ARID4A: variants seen among roughly 807,000 people sequenced by gnomAD.
ARID4A encodes the protein AT-rich interaction domain 4A.
A neutral mutation model predicts 148.6 loss-of-function variants in ARID4A; 39 were observed. The observed-to-expected ratio is 0.26, with a 90% CI of 0.20 to 0.34. The LOEUF is 0.34. Among genes scored for constraint, ARID4A ranks in the 10% least tolerant of loss-of-function variants. The probability of loss-of-function intolerance (pLI) is 1.00; values close to 1 mark genes in which losing one functional copy is unlikely to be tolerated. For missense variants in ARID4A, 1,265 were observed against 1,449.1 expected (o/e 0.87, Z 2.06); for synonymous variants, 475 against 481.2 (o/e 0.99, Z 0.17).
chr14:58,362,990 C>T lies in ARID4A; in HGVS notation c.2081-1180C>T, dbSNP rs1328545583. Among the ~76,000 whole-genome samples the T allele has an allele frequency of 2.0e-5, 3 of 152,192 alleles. No homozygotes were observed. The East Asian group carries it at 5.8e-4, about 29-fold the overall frequency. On this transcript the variant is annotated intron_variant, in intron 19 of 23. Coordinates refer to ENST00000355431, the MANE Select transcript of ARID4A (RefSeq NM_002892.4). ...TGCAAATTATAAAAGGACATCCTTC[C>T]TCTTTACTGCCATCTGCTGACAAAT... is the stretch of plus-strand genomic sequence containing the variant.
chr14:58,363,958 C>T (rs948432752), intron 19 of ARID4A, among the ~76,000 whole-genome samples: 9 of 152,018 alleles, frequency 5.9e-5, no homozygotes, highest in Non-Finnish European at 7.4e-5. Context: ...TAATATGCAA[C>T]GTAATATATT....
At chr14:58,320,755 C>T (rs954269383) in intron 7 of ARID4A, among the ~76,000 whole-genome samples, 1 of 152,034 alleles carries the variant, frequency 6.6e-6, no homozygotes, top group East Asian at 1.9e-4. Flanking sequence ...CTACAGTCGT[C>T]CACCACGACG....
chr14:58,320,165 C>T (rs2032773519), intron 7 of ARID4A, among the ~76,000 whole-genome samples: 2 of 151,944 alleles, frequency 1.3e-5, no homozygotes, highest in Admixed American at 1.3e-4. Flanking sequence ...CCAGGATGAT[C>T]TCGATCTCTT....
In ARID4A at chr14:58,302,934, C is replaced by T. The variant is rs139861598; in HGVS notation, c.117+1244C>T. Among the ~76,000 whole-genome samples the T allele has an allele frequency of 7.9e-3, 1,197 of 151,590 alleles. 9 individuals carry two copies. Among genetic ancestry groups the T allele is most frequent in the Middle Eastern group, 0.014 (4 of 290 alleles). On this transcript the variant is annotated intron_variant, in intron 3 of 23. Transcript: ENST00000355431. ...GTGATTGTGCCACTGCACTCCAGGCCGGATGACAGGGCAAGACCCTGTCTC... is the reference window on the plus strand; with the variant it reads ...GTGATTGTGCCACTGCACTCCAGGCTGGATGACAGGGCAAGACCCTGTCTC...
intron 15 of ARID4A, among the ~76,000 whole-genome samples, chr14:58,349,792 A>G (rs2034548238): frequency 1.3e-5 from 2 of 152,056 alleles, no homozygotes; most frequent in South Asian, 2.1e-4. Context: ...AGTTGTTTTC[A>G]TTCATTTACC....
rs1451089640 is a variant in ARID4A, at chr14:58,351,025, T to TC, written c.1405-44dup. The TC allele has an allele frequency of 2.0e-6, 3 of 1,512,386 alleles. No individual in the cohort carries two copies. The African/African-American group carries it at 4.2e-5, about 21-fold the overall frequency. 93.7% of individuals were successfully genotyped at this position (1,512,386 alleles called of 1,614,324 possible). On this transcript the variant is annotated intron_variant, in intron 15 of 23. Transcript: ENST00000355431. Reference sequence around the variant, plus strand: ...GAAAAGATATTTTTTCCTGCTTTTTTCCCCTTTATAGTGATAGCTATTTTA... The same window carrying TC: ...GAAAAGATATTTTTTCCTGCTTTTTTCCCCCTTTATAGTGATAGCTATTTTA...
intron 6 of ARID4A, 41 bp from the exon 7 acceptor site, chr14:58,318,670 T>C (rs1224937125): frequency 4.3e-6 from 7 of 1,612,850 alleles, no homozygotes; most frequent in Admixed American, 1.7e-5. Flanking sequence ...GGTACTGATC[T>C]AGAGGTAAAA....
intron 18 of ARID4A, 64 bp from the exon 19 acceptor site, chr14:58,360,837 A>G: frequency 1.3e-6 from 2 of 1,510,962 alleles, no homozygotes; most frequent in Non-Finnish European, 1.8e-6. Context: ...TTCTTTGGAT[A>G]AGTAGAATGT....
rs577539457 is a variant in ARID4A at position 58,351,542 on chromosome 14, C to T, written c.1655+219C>T. On this transcript the variant is annotated intron_variant, in intron 16 of 23. Transcript: ENST00000355431. ...ATTTTAATAGCACTTGTGCCCTAAACAGTGGCCTCAAAGAAGGCTGCGCCA... is the reference window on the plus strand; with the variant it reads ...ATTTTAATAGCACTTGTGCCCTAAATAGTGGCCTCAAAGAAGGCTGCGCCA... The T allele has an allele frequency of 1.4e-3, 630 of 460,016 alleles. 1 individual carries two copies. The highest frequency in any genetic ancestry group is 2.0e-3 in the Non-Finnish European group (547 of 275,066). 28.5% of individuals were successfully genotyped at this position (460,016 alleles called of 1,614,324 possible).
intron 15 of ARID4A, among the ~76,000 whole-genome samples, chr14:58,350,358 G>T (rs895533914): frequency 6.6e-6 from 1 of 152,148 alleles, no homozygotes; most frequent in African/African-American, 2.4e-5. Context: ...TTTATTCCAA[G>T]AAGAGGAGAC....
intron 3 of ARID4A, 51 bp from the exon 4 acceptor site, chr14:58,304,879 AGTGTTACTATAAAT>A: frequency 7.8e-7 from 1 of 1,289,636 alleles, no homozygotes; most frequent in South Asian, 1.2e-5. Context: ...TTATTGTTAT[AGTGTTACTATAAAT>A]GTATTTGTTT....
chr14:58,314,202 G>A (rs547407446), intron 5 of ARID4A, among the ~76,000 whole-genome samples: 1 of 152,238 alleles, frequency 6.6e-6, no homozygotes, highest in South Asian at 2.1e-4. Context: ...CTCTTAGCAT[G>A]CTATAGAAGA....
Position 58,304,992 on chromosome 14 carries a change from G to C in ARID4A, c.166G>C (p.Val56Leu). The part of the protein sequence containing the change: ...NTTQLVQDDQ[V>L]KGPLRVGAIV... ...CACACAATTGGTACAAGATGACCAA[G>C]TAAAGGGTCCTTTAAGAGTATGTAT... The change falls in exon 4 of 24, where the codon GTA becomes CTA. Residue 56 changes from valine to leucine, a missense_variant. By Grantham distance (32) the Val-to-Leu change is conservative. This residue lies in a region of ARID4A where 59 missense variants were observed against 49.8 expected (regional missense o/e 1.18). Coordinates refer to ENST00000355431, the MANE Select transcript of ARID4A (RefSeq NM_002892.4). The C allele has an allele frequency of 6.2e-7, 1 of 1,606,688 alleles. No individual in the cohort carries two copies. The highest frequency in any genetic ancestry group is 8.5e-7 in the Non-Finnish European group (1 of 1,177,306).
chr14:58,352,916 G>T (rs926746909), intron 16 of ARID4A, among the ~76,000 whole-genome samples: 5 of 152,084 alleles, frequency 3.3e-5, no homozygotes, highest in African/African-American at 1.2e-4. Context: ...AAGAAAAGCC[G>T]ATGGAAGATG....
intron 15 of ARID4A, among the ~76,000 whole-genome samples, chr14:58,348,621 G>A (rs967596870): frequency 7.9e-5 from 12 of 152,118 alleles, no homozygotes; most frequent in African/African-American, 2.9e-4. Context: ...TACATAGTAG[G>A]ATTTATCAAA....
chr14:58,351,452 G>C, intron 16 of ARID4A, 129 bp downstream of exon 16: 1 of 1,233,598 alleles, frequency 8.1e-7, no homozygotes, highest in East Asian at 2.4e-5. Context: ...GTCTAATGAA[G>C]GTGAGACACA....
intron 2 of ARID4A, among the ~76,000 whole-genome samples, chr14:58,300,119 C>G (rs1009429801): frequency 6.6e-6 from 1 of 152,192 alleles, no homozygotes; most frequent in Non-Finnish European, 1.5e-5. Flanking sequence ...TATTTTTAAA[C>G]ACTTCCTGTG....
At chr14:58,341,401 G>A (rs2034112558) in intron 11 of ARID4A, among the ~76,000 whole-genome samples, 1 of 152,152 alleles carries the variant, frequency 6.6e-6, no homozygotes, top group South Asian at 2.1e-4. Flanking sequence ...GTAGCTCCAG[G>A]GCTGTCTACT....
intron 11 of ARID4A, among the ~76,000 whole-genome samples, chr14:58,334,780 ACT>A (rs926176925): frequency 1.7e-4 from 25 of 149,986 alleles, no homozygotes; most frequent in African/African-American, 5.9e-4. Context: ...GAGACTATCG[ACT>A]CTCTCTTTTC....
Sources: allele counts gnomAD v4.1 joint callset (sites outside exome capture counted in the v4.1 genomes callset), GRCh38; gene constraint gnomAD v4.1.1; regional missense constraint gnomAD v4.1.1; transcripts MANE v1.5; gene names NCBI Gene and HGNC (gene_info 2026-07-23, HGNC 2026-07-21).